Variants in PAPPA2 observed in about 807,000 individuals in gnomAD.
PAPPA2 encodes the protein pappalysin-2.
A neutral mutation model predicts 176.4 loss-of-function variants in PAPPA2; 86 were observed. That is an observed-to-expected ratio of 0.49 (90% CI 0.41 to 0.58). PAPPA2 has a LOEUF of 0.58. Among genes scored for constraint, PAPPA2 ranks in the 20% least tolerant of loss-of-function variants. PAPPA2 has a pLI of 0.00. For missense variants in PAPPA2, 2,073 were observed against 2,256.9 expected (o/e 0.92, Z 1.65); for synonymous variants, 809 against 852.2 (o/e 0.95, Z 0.88).
At chr1:176,576,777 C>T (rs556699043) in intron 2 of PAPPA2, among the ~76,000 whole-genome samples, 33 of 152,170 alleles carry the variant, frequency 2.2e-4, no homozygotes, top group Admixed American at 2.1e-3. Flanking sequence ...TATTCAGATC[C>T]CTGGGTTGTT....
At chr1:176,795,166 C>G (rs1571339113) in intron 20 of PAPPA2, among the ~76,000 whole-genome samples, 3 of 152,098 alleles carry the variant, frequency 2.0e-5, no homozygotes, top group Non-Finnish European at 4.4e-5. Flanking sequence ...TCACTAGAGG[C>G]ACTTTTTTAT....
intron 17 of PAPPA2, among the ~76,000 whole-genome samples, chr1:176,773,759 C>CT (rs1314819474): frequency 6.6e-5 from 10 of 152,068 alleles, no homozygotes; most frequent in Middle Eastern, 3.4e-3. Context: ...TTTTGTTCAT[C>CT]TTTTTTTTAA....
chr1:176,485,152 A>G (rs1019580466), intron 1 of PAPPA2, among the ~76,000 whole-genome samples: 1 of 152,206 alleles, frequency 6.6e-6, no homozygotes, highest in Admixed American at 6.5e-5. Flanking sequence ...TATTACCACA[A>G]TCTCAGCATC....
intron 1 of PAPPA2, among the ~76,000 whole-genome samples, chr1:176,477,751 T>C (rs1227428354): frequency 7.0e-6 from 1 of 142,486 alleles, no homozygotes; most frequent in African/African-American, 2.8e-5. Flanking sequence ...TCTCAAAAAA[T>C]AAATAAATAA....
At position 176,622,230 on chromosome 1, in the gene PAPPA2, G is replaced by A. The variant is rs566899226; in HGVS notation, c.1991+26635G>A. On this transcript the variant is annotated intron_variant, in intron 3 of 22. Transcript: ENST00000367662. ...AGTTTATCTTTGTACTGCCAGAAAT[G>A]AAAGAAATGATATGAGTCCTGATTT... Among the ~76,000 whole-genome samples the A allele has an allele frequency of 9.2e-5, 14 of 152,274 alleles. No homozygotes were observed. The South Asian group carries it at 2.9e-3, about 32-fold the overall frequency.
At chr1:176,616,527 A>C (rs1308338386) in intron 3 of PAPPA2, 3 of 1,253,326 alleles carry the variant, frequency 2.4e-6, no homozygotes, top group Non-Finnish European at 3.4e-6. Context: ...CTTAATTTTT[A>C]CAAAATGTAA....
intron 1 of PAPPA2, among the ~76,000 whole-genome samples, chr1:176,499,644 C>G (rs147107005): frequency 1.3e-5 from 2 of 151,890 alleles, no homozygotes; most frequent in Non-Finnish European, 2.9e-5. Flanking sequence ...GTGAACAGCT[C>G]GATCTACCAG....
At chr1:176,786,689 G>A (rs1016742072) in intron 17 of PAPPA2, among the ~76,000 whole-genome samples, 2 of 152,170 alleles carry the variant, frequency 1.3e-5, no homozygotes, top group Admixed American at 6.5e-5. Flanking sequence ...CAGGAGGACC[G>A]GGGGCTTCTG....
At chr1:176,505,403 A>C (rs1352741782) in intron 1 of PAPPA2, among the ~76,000 whole-genome samples, 1 of 152,106 alleles carries the variant, frequency 6.6e-6, no homozygotes, top group Non-Finnish European at 1.5e-5. Flanking sequence ...AGTACATGAG[A>C]CAACTGTTTT....
intron 9 of PAPPA2, among the ~76,000 whole-genome samples, chr1:176,705,154 T>C (rs1297052833): frequency 6.6e-6 from 1 of 152,184 alleles, no homozygotes; most frequent in Non-Finnish European, 1.5e-5. Flanking sequence ...ACTTCTTGGA[T>C]ATAGCACACA....
intron 3 of PAPPA2, among the ~76,000 whole-genome samples, chr1:176,651,277 G>T (rs756179350): frequency 6.7e-6 from 1 of 150,336 alleles, no homozygotes; most frequent in African/African-American, 2.4e-5. Context: ...TTTTTCAGAC[G>T]GAAGAACTCT....
At chr1:176,704,285 T>C (rs983277072) in intron 9 of PAPPA2, among the ~76,000 whole-genome samples, 1 of 152,212 alleles carries the variant, frequency 6.6e-6, no homozygotes. Flanking sequence ...TATGTTTTCT[T>C]CTCTGTGTAA....
At chr1:176,597,802 T>A (rs879306339) in intron 3 of PAPPA2, among the ~76,000 whole-genome samples, 12 of 152,190 alleles carry the variant, frequency 7.9e-5, no homozygotes, top group Non-Finnish European at 1.8e-4. Flanking sequence ...ATCCCCCAGA[T>A]AAATGAGAAA....
chr1:176,546,671 A>G (rs1650654353), intron 1 of PAPPA2, among the ~76,000 whole-genome samples: 1 of 152,236 alleles, frequency 6.6e-6, no homozygotes, highest in African/African-American at 2.4e-5. Context: ...TTGATGTCTC[A>G]TGTGAACAAA....
intron 3 of PAPPA2, among the ~76,000 whole-genome samples, chr1:176,630,648 A>G (rs1229010827): frequency 2.0e-5 from 3 of 152,202 alleles, no homozygotes. Context: ...GTGGCAGCAA[A>G]AGTGGAGAAA....
chr1:176,668,073 T>C (rs1573222081), intron 3 of PAPPA2, among the ~76,000 whole-genome samples: 1 of 152,002 alleles, frequency 6.6e-6, no homozygotes, highest in African/African-American at 2.4e-5. Flanking sequence ...AACTAGTAGG[T>C]GATGGTCATA....
chr1:176,535,447 A>G (rs1407463098), intron 1 of PAPPA2, among the ~76,000 whole-genome samples: 1 of 152,228 alleles, frequency 6.6e-6, no homozygotes, highest in Non-Finnish European at 1.5e-5. Context: ...TCTCCTTTAC[A>G]GATAACTAAC....
At chr1:176,641,816 C>T (rs572718306) in intron 3 of PAPPA2, among the ~76,000 whole-genome samples, 2 of 151,972 alleles carry the variant, frequency 1.3e-5, no homozygotes, top group African/African-American at 4.8e-5. Flanking sequence ...CCAGCCTCAT[C>T]ATCAACTTGG....
chr1:176,842,270 C>A, intron 22 of PAPPA2, 110 bp from the exon 23 acceptor site: 1 of 944,984 alleles, frequency 1.1e-6, no homozygotes, highest in Non-Finnish European at 1.6e-6. Flanking sequence ...GTGATATTGG[C>A]ACATAATTCT....
Sources: allele counts gnomAD v4.1 joint callset (sites outside exome capture counted in the v4.1 genomes callset), GRCh38; gene constraint gnomAD v4.1.1; transcripts MANE v1.5; gene names NCBI Gene and HGNC (gene_info 2026-07-23, HGNC 2026-07-21).